Variants in RAPGEF2 observed in about 807,000 individuals in gnomAD.
RAPGEF2 encodes the protein Rap guanine nucleotide exchange factor 2.
In RAPGEF2, 54 loss-of-function variants were observed where a neutral mutation model predicts 186.7. The observed-to-expected ratio is 0.29, with a 90% CI of 0.23 to 0.36. The LOEUF (loss-of-function observed/expected upper bound fraction) is 0.36. Ranked by LOEUF, RAPGEF2 falls within the 10% of genes least tolerant of loss-of-function variation. The pLI is 1.00. For synonymous variants in RAPGEF2, 712 were observed against 705.9 expected (o/e 1.01, Z -0.14); for missense variants, 1,532 against 2,045.0 (o/e 0.75, Z 4.84).
At chr4:159,185,728 G>A (rs1164918121) in intron 1 of RAPGEF2, among the ~76,000 whole-genome samples, 1 of 151,872 alleles carries the variant, frequency 6.6e-6, no homozygotes, top group Non-Finnish European at 1.5e-5. Flanking sequence ...TGGTGAAAAT[G>A]TTCTGAAATT....
chr4:159,290,923 G>A (rs1270102876), intron 7 of RAPGEF2, among the ~76,000 whole-genome samples: 1 of 152,180 alleles, frequency 6.6e-6, no homozygotes, highest in Non-Finnish European at 1.5e-5. Context: ...TGGCATGCCA[G>A]GGTTGACACA....
chr4:159,234,805 G>A (rs1390126395), intron 4 of RAPGEF2, among the ~76,000 whole-genome samples: 1 of 152,114 alleles, frequency 6.6e-6, no homozygotes, highest in Non-Finnish European at 1.5e-5. Context: ...TGTTACCCAG[G>A]CTGGAGTGCA....
rs1446540741 is a variant in RAPGEF2 at position 159,103,086 on chromosome 4, G to C, written c.-1077G>C. The C allele has an allele frequency of 6.6e-6, 1 of 152,392 alleles. No homozygotes were observed. Among genetic ancestry groups the C allele is most frequent in the Admixed American group, 6.6e-5 (1 of 15,252 alleles). The allele number at this position is 152,392 out of a possible 1,614,324, so 9.4% of individuals were successfully genotyped here. ...AGAGGCCGCTTCCTCCCTGAGGAGC[G>C]GCTCCGGCGGCCGGAGAAGGCGCAG... is the stretch of plus-strand genomic sequence containing the variant. On this transcript the variant is annotated 5_prime_UTR_variant, in exon 1 of 30. Coordinates refer to ENST00000691494, the MANE Select transcript of RAPGEF2 (RefSeq NM_001394067.2).
chr4:159,160,259 A>G lies in RAPGEF2; in HGVS notation c.70-26383A>G, dbSNP rs552098064. The stretch of plus-strand genomic sequence containing the variant: ...TAGTTGTGCTTTTATATAAAATGTT[A>G]ATAATATCTGATACTTACAGAAAGC... On this transcript the variant is annotated intron_variant, in intron 1 of 29. Transcript: ENST00000691494. Among the ~76,000 whole-genome samples the G allele has an allele frequency of 4.6e-5, 7 of 152,326 alleles. No individual in the cohort carries two copies. The East Asian group carries it at 1.2e-3, about 25-fold the overall frequency.
rs886556233 is a variant in RAPGEF2 at position 159,147,265 on chromosome 4, A to G, written c.70-39377A>G. 5.9e-5 allele frequency among the ~76,000 whole-genome samples: 9 copies of G among 152,282 alleles called. No homozygotes were observed. The East Asian group carries it at 9.6e-4, about 16-fold the overall frequency. ...AACTCAAAAAAGCAAACATGTTAAT[A>G]TAATGAATAAAGGGACAGGAATATA... On this transcript the variant is annotated intron_variant, in intron 1 of 29. Transcript: ENST00000691494.
chr4:159,349,926 T>A (rs1172550771), intron 25 of RAPGEF2, among the ~76,000 whole-genome samples: 1 of 152,200 alleles, frequency 6.6e-6, no homozygotes, highest in East Asian at 1.9e-4. Context: ...GTGGCAGATA[T>A]CAGTCTGAAA....
intron 7 of RAPGEF2, among the ~76,000 whole-genome samples, chr4:159,274,827 C>T (rs1391674630): frequency 1.3e-5 from 2 of 152,120 alleles, no homozygotes; most frequent in Non-Finnish European, 2.9e-5. Flanking sequence ...TTTAAAGCTA[C>T]TTTAAAGACA....
chr4:159,313,469 A>G (rs1764189902), intron 8 of RAPGEF2, among the ~76,000 whole-genome samples: 1 of 152,192 alleles, frequency 6.6e-6, no homozygotes, highest in Admixed American at 6.5e-5. Flanking sequence ...CATAGCAATT[A>G]GAGCAGTACC....
At chr4:159,179,440 G>A (rs560776814) in intron 1 of RAPGEF2, among the ~76,000 whole-genome samples, 2 of 152,280 alleles carry the variant, frequency 1.3e-5, no homozygotes, top group African/African-American at 4.8e-5. Context: ...GAATCTAAAA[G>A]TGTAACTCCC....
At chr4:159,260,464 G>T (rs772944235) in intron 7 of RAPGEF2, among the ~76,000 whole-genome samples, 5 of 151,734 alleles carry the variant, frequency 3.3e-5, no homozygotes, top group South Asian at 4.2e-4. Flanking sequence ...CTTTCTACTC[G>T]CATTTTCCCG....
intron 2 of RAPGEF2, among the ~76,000 whole-genome samples, chr4:159,190,917 A>T (rs1448005033): frequency 6.6e-6 from 1 of 152,226 alleles, no homozygotes; most frequent in East Asian, 1.9e-4. Flanking sequence ...AATTCTGGGA[A>T]AGCATATTTT....
At chr4:159,188,520 G>A (rs190317958) in intron 2 of RAPGEF2, among the ~76,000 whole-genome samples, 50 of 151,802 alleles carry the variant, frequency 3.3e-4, no homozygotes, top group African/African-American at 1.2e-3. Context: ...AAAAATTAGC[G>A]GGGCGTGTTG....
At chr4:159,348,373 G>A (rs1029509634) in intron 25 of RAPGEF2, among the ~76,000 whole-genome samples, 4 of 152,144 alleles carry the variant, frequency 2.6e-5, no homozygotes, top group Admixed American at 2.0e-4. Flanking sequence ...CACAGTTACA[G>A]CCCATCTGTA....
intron 7 of RAPGEF2, among the ~76,000 whole-genome samples, chr4:159,273,831 C>A (rs1428540780): frequency 6.6e-6 from 1 of 152,088 alleles, no homozygotes; most frequent in African/African-American, 2.4e-5. Flanking sequence ...CTCGCTCTGT[C>A]GCCTGGGCTG....
In RAPGEF2 at chr4:159,354,040, C is replaced by A; in HGVS notation, c.4645C>A (p.Leu1549Ile). ...IAVASSTTKG[L>I]IARKEGRYRE... ...TGTGGCATCAAGTACTACAAAGGGGCTCATTGGTAAGTTTTAAAATTGGGG... is the reference window on the plus strand; with the variant it reads ...TGTGGCATCAAGTACTACAAAGGGGATCATTGGTAAGTTTTAAAATTGGGG... The change falls in exon 28 of 30, where the codon CTC becomes ATC. Residue 1549 changes from leucine to isoleucine, a missense_variant. Physicochemically the swap from Leu to Ile is conservative, Grantham distance 5 (BLOSUM62 2). Coordinates refer to ENST00000691494, the MANE Select transcript of RAPGEF2 (RefSeq NM_001394067.2). The A allele has an allele frequency of 6.4e-7, 1 of 1,563,064 alleles. No individual in the cohort carries two copies. The highest frequency in any genetic ancestry group is 8.6e-7 in the Non-Finnish European group (1 of 1,158,656).
At chr4:159,205,782 G>A (rs1247823380) in intron 3 of RAPGEF2, among the ~76,000 whole-genome samples, 5 of 152,094 alleles carry the variant, frequency 3.3e-5, no homozygotes, top group Admixed American at 6.5e-5. Context: ...CATGCTTCCT[G>A]TACAGCCTGC....
chr4:159,215,575 C>G (rs1750923647), intron 4 of RAPGEF2, among the ~76,000 whole-genome samples: 1 of 152,180 alleles, frequency 6.6e-6, no homozygotes, highest in Non-Finnish European at 1.5e-5. Flanking sequence ...AATGTTTAGT[C>G]TGATTTTCTT....
intron 7 of RAPGEF2, among the ~76,000 whole-genome samples, chr4:159,297,180 C>T (rs895639139): frequency 2.0e-5 from 3 of 152,180 alleles, no homozygotes; most frequent in African/African-American, 7.2e-5. Context: ...TCTGTTACAA[C>T]TCTAAAACAT....
chr4:159,178,966 G>C (rs1746745532), intron 1 of RAPGEF2, among the ~76,000 whole-genome samples: 1 of 151,992 alleles, frequency 6.6e-6, no homozygotes, highest in Admixed American at 6.6e-5. Flanking sequence ...TTTGAATCTG[G>C]TTTACATTTG....
Sources: allele counts gnomAD v4.1 joint callset (sites outside exome capture counted in the v4.1 genomes callset), GRCh38; gene constraint gnomAD v4.1.1; transcripts MANE v1.5; gene names NCBI Gene and HGNC (gene_info 2026-07-23, HGNC 2026-07-21).